Variants in TMPRSS2 observed in about 807,000 individuals in gnomAD.
The protein encoded by TMPRSS2 is transmembrane serine protease 2, also known as transmembrane protease serine 2.
A neutral mutation model predicts 67.4 loss-of-function variants in TMPRSS2; 59 were observed. The observed-to-expected ratio is 0.88, with a 90% confidence interval of 0.71 to 1.09. The LOEUF (loss-of-function observed/expected upper bound fraction) is 1.09, where lower values mean the gene tolerates loss of function less well. Among genes scored for constraint, TMPRSS2 ranks in the 50% least tolerant of loss-of-function variants. TMPRSS2 has a pLI of 0.00. For missense variants in TMPRSS2, 668 were observed against 642.7 expected (o/e 1.04, Z -0.43); for synonymous variants, 257 against 257.0 (o/e 1.00, Z 0.00).
chr21:41,487,949 C>T (rs415918), intron 5 of TMPRSS2: 97,835 of 153,818 alleles, frequency 0.64, 32,125 homozygotes, highest in Middle Eastern at 0.74. Context: ...CCCGCCACCG[C>T]GCTTGGCTAA....
intron 3 of TMPRSS2, among the ~76,000 whole-genome samples, chr21:41,491,399 A>G (rs417888): frequency 0.61 from 92,127 of 151,932 alleles, 29,532 homozygotes; most frequent in African/African-American, 0.82. Context: ...CACTCGCCTC[A>G]GCCTCTCAAA....
At chr21:41,485,612 G>A (rs1165920744) in intron 5 of TMPRSS2, among the ~76,000 whole-genome samples, 1 of 147,928 alleles carries the variant, frequency 6.8e-6, no homozygotes, top group African/African-American at 2.5e-5. Context: ...TCATGCCTCT[G>A]CACTCCAGCC....
At position 41,508,105 on chromosome 21, in the gene TMPRSS2, C is replaced by CCGCCCCT. The variant is rs2091472001; in HGVS notation, c.-88_-82dup. ...CCTGCCGCGCTCCAGGCGGCGCTCC[C>CCGCCCCT]CGCCCCTCGCCCTCCGCCTCCGCCT... On this transcript the variant is annotated 5_prime_UTR_variant, in exon 1 of 14. Transcript: ENST00000332149. 2 of 1,169,448 alleles carry CCGCCCCT rather than the reference C, an allele frequency of 1.7e-6. No individual in the cohort carries two copies. The highest frequency in any genetic ancestry group is 2.2e-6 in the Non-Finnish European group (2 of 909,216). The allele number at this position is 1,169,448 out of a possible 1,614,324, so 72.4% of individuals were successfully genotyped here. A position where few individuals can be genotyped will look rare whatever the true frequency, so the allele number is the denominator to read the frequency against.
At position 41,489,549 on chromosome 21, in the gene TMPRSS2, G is replaced by A. The variant is rs190265904; in HGVS notation, c.283C>T (p.Leu95Phe). Residue 95 changes from leucine to phenylalanine, a missense_variant, in exon 4 of 14, where the codon CTC becomes TTC. Transcript: ENST00000332149. ...LCITLTLGTF[L>F]VGAALAAGLL... Reference sequence around the variant, plus strand: ...CCAGCGGCCAGCGCAGCTCCCACGAGGAAGGTCCCCAGGGTCAAGGTGATG... The same window carrying A: ...CCAGCGGCCAGCGCAGCTCCCACGAAGAAGGTCCCCAGGGTCAAGGTGATG... 2.0e-5 allele frequency: 32 copies of A among 1,614,132 alleles called. No individual in the cohort carries two copies. The East Asian group carries it at 3.8e-4, about 19-fold the overall frequency.
intron 8 of TMPRSS2, 92 bp from the exon 9 acceptor site, chr21:41,473,588 G>A (rs763719682): frequency 8.8e-6 from 12 of 1,368,952 alleles, no homozygotes; most frequent in Admixed American, 4.2e-5. Context: ...CTCCCAGGCT[G>A]CAAGGACAGG....
At chr21:41,497,287 G>A (rs1200848660) in intron 2 of TMPRSS2, among the ~76,000 whole-genome samples, 2 of 152,158 alleles carry the variant, frequency 1.3e-5, no homozygotes, top group East Asian at 1.9e-4. Flanking sequence ...AACAAGGCCC[G>A]CAGAGTTCAC....
chr21:41,507,990 C>T (rs1222327104), intron 1 of TMPRSS2, 91 bp downstream of exon 1: 1 of 1,436,606 alleles, frequency 7.0e-7, no homozygotes, highest in Non-Finnish European at 9.1e-7. Context: ...CACCTCCGGG[C>T]GGGGCAGGGG....
rs2091224727 is a variant in TMPRSS2, at chr21:41,477,627, C to T, written c.684-1007G>A. 2.0e-5 allele frequency among the ~76,000 whole-genome samples: 3 copies of T among 152,106 alleles called. No homozygotes were observed. In the South Asian group the frequency reaches 6.2e-4, roughly 32 times the overall value. On this transcript the variant is annotated intron_variant, in intron 7 of 13. Coordinates refer to ENST00000332149, the MANE Select transcript of TMPRSS2 (RefSeq NM_005656.4). ...CTGACACCTTCTTACTAAGGCACAC[C>T]CCCCGGGTTCTCAGTGACTACAGGT... is the stretch of plus-strand genomic sequence containing the variant.
intron 1 of TMPRSS2, among the ~76,000 whole-genome samples, chr21:41,503,948 C>T (rs906455868): frequency 1.3e-5 from 2 of 152,206 alleles, no homozygotes; most frequent in African/African-American, 4.8e-5. Flanking sequence ...GGCTATACTG[C>T]AGTGGGGTCA....
intron 1 of TMPRSS2, chr21:41,507,825 A>G: frequency 8.7e-7 from 1 of 1,143,170 alleles, no homozygotes; most frequent in South Asian, 1.8e-5. Context: ...CGCGATGCCA[A>G]GCCAACAGGG....
chr21:41,467,975 G>A, intron 12 of TMPRSS2, 89 bp from the exon 13 acceptor site: 1 of 1,484,256 alleles, frequency 6.7e-7, no homozygotes, highest in South Asian at 1.2e-5. Context: ...TTGGGGGGCG[G>A]GGGTCGCAGT....
intron 5 of TMPRSS2, 59 bp downstream of exon 5, chr21:41,488,335 C>A: frequency 6.3e-7 from 1 of 1,582,296 alleles, no homozygotes; most frequent in Non-Finnish European, 8.6e-7. Flanking sequence ...GCCCCTGGAC[C>A]CGGCTGCTGT....
chr21:41,498,739 A>C (rs2091403619), intron 1 of TMPRSS2, among the ~76,000 whole-genome samples: 1 of 152,262 alleles, frequency 6.6e-6, no homozygotes, highest in Non-Finnish European at 1.5e-5. Context: ...GATTAAGGAC[A>C]AGATGGGCCC....
intron 12 of TMPRSS2, 110 bp downstream of exon 12, chr21:41,468,286 G>T: frequency 7.1e-7 from 1 of 1,406,010 alleles, no homozygotes; most frequent in Non-Finnish European, 9.8e-7. Context: ...GCCCCGAGCT[G>T]GCTCCGTGTC....
Position 41,468,506 on chromosome 21 carries a change from C to T in TMPRSS2, c.1204G>A (p.Val402Met), listed in dbSNP as rs775314341. Residue 402 changes from valine (V) to methionine (M), a missense_variant, in exon 12 of 14, where the codon GTG becomes ATG. Physicochemically the swap from Val to Met is conservative, Grantham distance 21. Transcript: ENST00000332149. ...KTSEVLNAAK[V>M]LLIETQRCNS... ...CATCTCTGTGTCTCAATGAGAAGCA[C>T]CTTGGCAGCGTTCAGCACTTCTGAG... 6.2e-7 allele frequency: 1 copy of T among 1,614,142 alleles called. No individual in the cohort carries two copies. Among genetic ancestry groups the T allele is most frequent in the Non-Finnish European group, 8.5e-7 (1 of 1,180,026 alleles).
Position 41,471,969 on chromosome 21 carries a change from A to G in TMPRSS2, c.912T>C (p.Asn304=). The part of the protein sequence containing the change: ...AAHCVEKPLN[N]PWHWTAFAGI... ...CCGCAAATGCCGTCCAATGCCATGG[A>G]TTGTTAAGAGGTCTGGGAGAGAAGA... Residue 304 remains asparagine (N), a synonymous_variant, in exon 10 of 14, where the codon AAT becomes AAC. Transcript: ENST00000332149. The G allele has an allele frequency of 2.5e-6, 4 of 1,609,120 alleles. No individual in the cohort carries two copies. Among genetic ancestry groups the G allele is most frequent in the Non-Finnish European group, 2.5e-6 (3 of 1,176,730 alleles).
intron 9 of TMPRSS2, among the ~76,000 whole-genome samples, chr21:41,472,547 T>C (rs780192559): frequency 3.0e-4 from 46 of 151,860 alleles, no homozygotes; most frequent in Non-Finnish European, 5.7e-4. Context: ...CCTGGGGGTG[T>C]GAAGAGGGGG....
At chr21:41,472,627 G>C (rs1158232471) in intron 9 of TMPRSS2, among the ~76,000 whole-genome samples, 1 of 152,182 alleles carries the variant, frequency 6.6e-6, no homozygotes, top group Non-Finnish European at 1.5e-5. Flanking sequence ...GAGGAGAAGG[G>C]CATGCCCATC....
At chr21:41,480,682 A>C in intron 5 of TMPRSS2, 80 bp from the exon 6 acceptor site, 1 of 1,549,350 alleles carries the variant, frequency 6.5e-7, no homozygotes, top group Non-Finnish European at 8.7e-7. Context: ...TCTGTCACCT[A>C]GGCTGAAGTG....
Sources: allele counts gnomAD v4.1 joint callset (sites outside exome capture counted in the v4.1 genomes callset), GRCh38; gene constraint gnomAD v4.1.1; transcripts MANE v1.5; gene names NCBI Gene and HGNC (gene_info 2026-07-23, HGNC 2026-07-21).